SNX30: variants seen among roughly 807,000 people sequenced by gnomAD.
SNX30 encodes sorting nexin-30.
In SNX30, 24 loss-of-function variants were observed where a neutral mutation model predicts 46.4. The observed-to-expected ratio is 0.52, with a 90% CI of 0.37 to 0.73. The LOEUF (loss-of-function observed/expected upper bound fraction) is 0.73, where lower values mean the gene tolerates loss of function less well. Among genes scored for constraint, SNX30 ranks in the 30% least tolerant of loss-of-function variants. The probability of loss-of-function intolerance (pLI) is 0.00; values close to 1 mark genes in which losing one functional copy is unlikely to be tolerated. For synonymous variants in SNX30, 189 were observed against 211.5 expected (o/e 0.89, Z 0.92); for missense variants, 533 against 555.7 (o/e 0.96, Z 0.41).
At chr9:112,750,667 T>TTCCCCGCCC (rs757126985), upstream of SNX30, among the ~76,000 whole-genome samples, 12 of 151,154 alleles carry the variant, frequency 7.9e-5, no homozygotes, top group Admixed American at 5.9e-4. Flanking sequence ...CACGTGCCCC[T>TTCCCCGCCC]TCCCCGCCCT....
rs574508349 is a variant in SNX30, at chr9:112,774,316, A to G, written c.156+23159A>G. On this transcript the variant is annotated intron_variant, in intron 1 of 8. Coordinates refer to ENST00000374232, the MANE Select transcript of SNX30 (RefSeq NM_001012994.2). ...TGACAGACCTTTAGCTAGATTGACT[A>G]AGAAAAAAAGAAGATTCAAATTACT... Among the ~76,000 whole-genome samples the G allele has an allele frequency of 9.2e-5, 14 of 152,354 alleles. No individual in the cohort carries two copies. The South Asian group carries it at 2.9e-3, about 32-fold the overall frequency.
chr9:112,883,807 C>T (rs1464688922), downstream of SNX30, among the ~76,000 whole-genome samples: 1 of 151,776 alleles, frequency 6.6e-6, no homozygotes, highest in Non-Finnish European at 1.5e-5. Context: ...AAGCGATTCT[C>T]CTGCCTCAGC....
chr9:112,840,955 A>G (rs1482563172), intron 6 of SNX30, among the ~76,000 whole-genome samples: 1 of 143,518 alleles, frequency 7.0e-6, no homozygotes, highest in African/African-American at 2.6e-5. Context: ...AATTTTTTGT[A>G]TTTTTTTAGT....
Position 112,838,450 on chromosome 9 carries a change from G to A in SNX30, c.815-48G>A, listed in dbSNP as rs751159870. On this transcript the variant is annotated intron_variant, in intron 5 of 8. Coordinates refer to ENST00000374232, the MANE Select transcript of SNX30 (RefSeq NM_001012994.2). The stretch of plus-strand genomic sequence containing the variant: ...GGTGATTACTGAGTCAGTAATAGCA[G>A]CAACTGCTACCCAGCCAGATTTTAA... The A allele has an allele frequency of 3.3e-6, 5 of 1,525,522 alleles. No homozygotes were observed. The Admixed American group carries it at 5.6e-5, about 17-fold the overall frequency. 94.5% of individuals were successfully genotyped at this position (1,525,522 alleles called of 1,614,324 possible).
intron 1 of SNX30, among the ~76,000 whole-genome samples, chr9:112,751,976 A>G (rs1839285581): frequency 6.6e-6 from 1 of 152,128 alleles, no homozygotes; most frequent in African/African-American, 2.4e-5. Context: ...AGACTTGAGC[A>G]GTGATTGTAT....
At chr9:112,851,017 T>G in intron 7 of SNX30, 72 bp downstream of exon 7, 13 of 1,192,006 alleles carry the variant, frequency 1.1e-5, no homozygotes, top group African/African-American at 1.5e-5. Flanking sequence ...TTCTCATCTC[T>G]AGATCTGTAT....
chr9:112,869,143 G>GTTT lies in SNX30; in HGVS notation c.*300_*301insTTT, dbSNP rs1337656203. ...AAACCAAGGGACAAGACAACCTGCA[G>GTTT]CTGACGCTCTGACATTTCATGACAG... On this transcript the variant is annotated 3_prime_UTR_variant, in exon 9 of 9. Coordinates refer to ENST00000374232, the MANE Select transcript of SNX30 (RefSeq NM_001012994.2). The GTTT allele has an allele frequency of 1.2e-3, 396 of 334,704 alleles. 5 individuals carry two copies. Among genetic ancestry groups the GTTT allele is most frequent in the African/African-American group, 7.7e-3 (373 of 48,582 alleles). The allele number at this position is 334,704 out of a possible 1,614,324, so 20.7% of individuals were successfully genotyped here.
chr9:112,854,747 G>C (rs924696892), intron 7 of SNX30, among the ~76,000 whole-genome samples: 1 of 152,212 alleles, frequency 6.6e-6, no homozygotes, highest in African/African-American at 2.4e-5. Context: ...TCCAAGTCCA[G>C]CACGGTTGGA....
At chr9:112,879,960 C>T, downstream of SNX30, 1 of 648,284 alleles carries the variant, frequency 1.5e-6, no homozygotes, top group Non-Finnish European at 2.8e-6. Context: ...TGTGCTGGTG[C>T]ACTGTGACCC....
intron 6 of SNX30, among the ~76,000 whole-genome samples, chr9:112,849,955 A>G (rs1234821968): frequency 2.6e-5 from 4 of 152,252 alleles, no homozygotes; most frequent in Non-Finnish European, 5.9e-5. Flanking sequence ...TTGATGAAAC[A>G]GACACCTTTC....
At chr9:112,865,661 A>ATATATGTGTG in intron 8 of SNX30, among the ~76,000 whole-genome samples, 58 of 105,676 alleles carry the variant, frequency 5.5e-4, no homozygotes, top group African/African-American at 2.1e-3. Context: ...ATATATATAT[A>ATATATGTGTG]TGTATGTATG....
At chr9:112,858,391 TG>T (rs1841169765) in intron 7 of SNX30, among the ~76,000 whole-genome samples, 1 of 152,138 alleles carries the variant, frequency 6.6e-6, no homozygotes, top group South Asian at 2.1e-4. Context: ...GGTGTGCATC[TG>T]TAGTTACAGC....
intron 8 of SNX30, among the ~76,000 whole-genome samples, chr9:112,865,649 A>ATGTGTGTGTGTGTGTGTGTGTGTGTGTG (rs1377711834): frequency 1.2e-5 from 1 of 86,054 alleles, no homozygotes; most frequent in Non-Finnish European, 2.8e-5. Context: ...ATATATATAT[A>ATGTGTGTGTGTGTGTGTGTGTGTGTGTG]TATATATATA....
intron 5 of SNX30, 86 bp downstream of exon 5, chr9:112,836,495 C>T: frequency 7.1e-7 from 1 of 1,412,126 alleles, no homozygotes; most frequent in East Asian, 2.3e-5. Context: ...AATCAAACTG[C>T]AAAATGCTGG....
At chr9:112,827,846 A>G (rs548417525) in intron 3 of SNX30, among the ~76,000 whole-genome samples, 3 of 152,346 alleles carry the variant, frequency 2.0e-5, no homozygotes, top group Admixed American at 1.3e-4. Flanking sequence ...CACTTACCGT[A>G]TTAAAGGAAA....
At chr9:112,792,882 C>CTTT (rs11447466) in intron 1 of SNX30, among the ~76,000 whole-genome samples, 68 of 146,868 alleles carry the variant, frequency 4.6e-4, no homozygotes, top group African/African-American at 1.6e-3. Flanking sequence ...TTTCTTTAGG[C>CTTT]TTTTTTTTTT....
At chr9:112,791,376 A>G (rs1190136183) in intron 1 of SNX30, among the ~76,000 whole-genome samples, 1 of 131,732 alleles carries the variant, frequency 7.6e-6, no homozygotes, top group African/African-American at 2.8e-5. Flanking sequence ...TTTCTGATAA[A>G]TACTTTTAAA....
intron 4 of SNX30, among the ~76,000 whole-genome samples, chr9:112,834,496 C>T (rs187341548): frequency 2.6e-5 from 4 of 152,162 alleles, no homozygotes; most frequent in East Asian, 1.9e-4. Context: ...TTGGGCGAGG[C>T]GTGGGGGAAG....
intron 1 of SNX30, among the ~76,000 whole-genome samples, chr9:112,763,717 C>T (rs868382231): frequency 1.3e-5 from 2 of 151,820 alleles, no homozygotes; most frequent in South Asian, 2.1e-4. Flanking sequence ...GGCATGGCGG[C>T]GCGTGCCTGT....
Sources: gnomAD v4.1 joint callset for allele counts (sites outside exome capture counted in the v4.1 genomes callset) on GRCh38, gnomAD v4.1.1 for gene constraint, MANE v1.5 for transcripts, NCBI Gene and HGNC (gene_info 2026-07-23, HGNC 2026-07-21) for gene names.